Variants in NALF1 observed in about 807,000 individuals in gnomAD.
NALF1 encodes NALCN channel auxiliary factor 1.
A neutral mutation model predicts 48.4 loss-of-function variants in NALF1; 3 were observed. That is an observed-to-expected ratio of 0.06 (90% CI 0.03 to 0.16). The LOEUF is 0.16. Among genes scored for constraint, NALF1 ranks in the 10% least tolerant of loss-of-function variants. The pLI, the probability that NALF1 is intolerant of heterozygous loss-of-function variation, is 1.00. For synonymous variants in NALF1, 262 were observed against 245.7 expected (o/e 1.07, Z -0.62); for missense variants, 526 against 571.5 (o/e 0.92, Z 0.81).
rs1475507002 is a variant in NALF1 at position 107,863,934 on chromosome 13, A to G, written c.915+1748T>C. 3.3e-5 allele frequency among the ~76,000 whole-genome samples: 5 copies of G among 152,214 alleles called. No individual in the cohort carries two copies. In the East Asian group the frequency reaches 9.6e-4, roughly 29 times the overall value. On this transcript the variant is annotated intron_variant, in intron 1 of 2. Coordinates refer to ENST00000375915, the MANE Select transcript of NALF1 (RefSeq NM_001080396.3). ...GTTATACAAATGGAAATTATCAGAA[A>G]TTAGGGTTTACATGCAGGGAAGGAG...
chr13:107,201,491 G>A (rs1369592691), intron 2 of NALF1, among the ~76,000 whole-genome samples: 8 of 152,024 alleles, frequency 5.3e-5, no homozygotes, highest in Admixed American at 5.2e-4. Context: ...GCAGGAGAAT[G>A]GTGTGAACCC....
chr13:107,627,148 G>C (rs1879695670), intron 1 of NALF1, among the ~76,000 whole-genome samples: 1 of 152,034 alleles, frequency 6.6e-6, no homozygotes, highest in Admixed American at 6.6e-5. Context: ...AATTGATTTA[G>C]ATGTCACTCT....
intron 1 of NALF1, among the ~76,000 whole-genome samples, chr13:107,586,751 T>C (rs942283820): frequency 6.7e-6 from 1 of 149,104 alleles, no homozygotes; most frequent in South Asian, 2.1e-4. Flanking sequence ...CACTACTTTT[T>C]GTATCCTACT....
chr13:107,254,437 C>T (rs1466903425), intron 1 of NALF1, among the ~76,000 whole-genome samples: 3 of 152,130 alleles, frequency 2.0e-5, no homozygotes, highest in Non-Finnish European at 4.4e-5. Flanking sequence ...TGTTCGTGTT[C>T]CACAGTGGGG....
At position 107,176,316 on chromosome 13, in the gene NALF1, G is replaced by GAGTTT. The variant is rs777760773; in HGVS notation, c.1088-5531_1088-5530insAAACT. 1.8e-3 allele frequency among the ~76,000 whole-genome samples: 223 copies of GAGTTT among 123,568 alleles called. 3 individuals are homozygous for GAGTTT. Among genetic ancestry groups the GAGTTT allele is most frequent in the Middle Eastern group, 9.5e-3 (2 of 210 alleles). 81.1% of individuals were successfully genotyped at this position (123,568 alleles called of 152,430 possible). A position where few individuals can be genotyped will look rare whatever the true frequency, so the allele number is the denominator to read the frequency against. ...TTGACATTACAGTACCAACCTCACA[G>GAGTTT]TTTTTTTTTTTTTTTTTTTTTTTGA... On this transcript the variant is annotated intron_variant, in intron 2 of 2. Transcript: ENST00000375915.
intron 1 of NALF1, among the ~76,000 whole-genome samples, chr13:107,228,868 G>A (rs901339404): frequency 1.2e-4 from 18 of 152,088 alleles, no homozygotes; most frequent in Admixed American, 6.5e-4. Context: ...TAATCCACCC[G>A]CCTTGGCCTC....
chr13:107,714,232 A>C (rs964423919), intron 1 of NALF1, among the ~76,000 whole-genome samples: 1 of 152,228 alleles, frequency 6.6e-6, no homozygotes, highest in Non-Finnish European at 1.5e-5. Flanking sequence ...AATATGACAC[A>C]TAAGTGCATT....
At chr13:107,313,323 T>A (rs745623617) in intron 1 of NALF1, among the ~76,000 whole-genome samples, 19 of 152,002 alleles carry the variant, frequency 1.2e-4, no homozygotes, top group Admixed American at 3.3e-4. Flanking sequence ...GGAAAATAAA[T>A]TTCTGGACCT....
chr13:107,213,405 C>A (rs1167876885), intron 1 of NALF1, among the ~76,000 whole-genome samples: 1 of 152,098 alleles, frequency 6.6e-6, no homozygotes. Context: ...TCCGGCCAGG[C>A]TCCACGGTGG....
At chr13:107,404,374 T>C (rs775694364) in intron 1 of NALF1, among the ~76,000 whole-genome samples, 1 of 152,048 alleles carries the variant, frequency 6.6e-6, no homozygotes, top group Non-Finnish European at 1.5e-5. Context: ...AATGATAGCT[T>C]CAAAGATTTG....
At chr13:107,818,209 C>T (rs866828748) in intron 1 of NALF1, among the ~76,000 whole-genome samples, 2 of 152,096 alleles carry the variant, frequency 1.3e-5, no homozygotes, top group South Asian at 4.1e-4. Context: ...AAGCTTGCTC[C>T]CGTTCAGTTA....
intron 1 of NALF1, among the ~76,000 whole-genome samples, chr13:107,346,322 A>C (rs945180113): frequency 7.2e-5 from 11 of 152,218 alleles, no homozygotes; most frequent in Admixed American, 6.5e-5. Context: ...AGATATGTGC[A>C]TACCCATGTT....
chr13:107,444,639 T>C lies in NALF1; in HGVS notation c.916-233884A>G, dbSNP rs145742973. Among the ~76,000 whole-genome samples, 463 of 152,316 alleles carry C rather than the reference T, an allele frequency of 3.0e-3. 6 individuals are homozygous for C. Among genetic ancestry groups the C allele is most frequent in the African/African-American group, 0.011 (452 of 41,582 alleles). On this transcript the variant is annotated intron_variant, in intron 1 of 2. Transcript: ENST00000375915. ...AGCTATAATAGAGCTATGTCATGAT[T>C]GCAGAGTATGTTTATACAGCTTTTT...
chr13:107,615,059 G>A (rs975758243), intron 1 of NALF1, among the ~76,000 whole-genome samples: 3 of 152,170 alleles, frequency 2.0e-5, no homozygotes, highest in African/African-American at 7.2e-5. Context: ...TTACAGGTAT[G>A]AGCCACTGTG....
At chr13:107,497,182 G>T (rs1875365577) in intron 1 of NALF1, among the ~76,000 whole-genome samples, 1 of 151,992 alleles carries the variant, frequency 6.6e-6, no homozygotes. Flanking sequence ...GGTTTAACAA[G>T]AAGTTAAAAT....
At chr13:107,408,769 C>T (rs780326967) in intron 1 of NALF1, among the ~76,000 whole-genome samples, 1 of 152,050 alleles carries the variant, frequency 6.6e-6, no homozygotes, top group Non-Finnish European at 1.5e-5. Flanking sequence ...TGGTAAAATA[C>T]TACACAGTGA....
chr13:107,248,961 C>T (rs1220735997), intron 1 of NALF1, among the ~76,000 whole-genome samples: 2 of 150,584 alleles, frequency 1.3e-5, no homozygotes, highest in South Asian at 2.1e-4. Flanking sequence ...TGTACACACA[C>T]ATATATATAT....
At chr13:107,375,155 A>G (rs972067219) in intron 1 of NALF1, among the ~76,000 whole-genome samples, 6 of 152,230 alleles carry the variant, frequency 3.9e-5, no homozygotes, top group Admixed American at 1.3e-4. Context: ...ACTATTATCC[A>G]AAGAATAAAA....
chr13:107,683,765 T>C (rs1341686155), intron 1 of NALF1, among the ~76,000 whole-genome samples: 1 of 152,188 alleles, frequency 6.6e-6, no homozygotes, highest in African/African-American at 2.4e-5. Flanking sequence ...TGGGATTCCC[T>C]TATCCTGCAC....
Sources: allele counts gnomAD v4.1 joint callset (sites outside exome capture counted in the v4.1 genomes callset), GRCh38; gene constraint gnomAD v4.1.1; transcripts MANE v1.5; gene names NCBI Gene and HGNC (gene_info 2026-07-23, HGNC 2026-07-21).